Variants in CCPG1 observed in about 807,000 individuals in gnomAD.
The protein encoded by CCPG1 is cell cycle progression 1, also known as cell cycle progression protein 1.
Under a neutral mutation model 81.3 loss-of-function variants are expected in CCPG1, and 46 were observed. The observed-to-expected ratio is 0.57, with a 90% CI of 0.45 to 0.72. CCPG1 has a LOEUF of 0.72. CCPG1 is among the 30% of genes least tolerant of loss of function. CCPG1 has a pLI of 0.00. For synonymous variants in CCPG1, 330 were observed against 305.2 expected (o/e 1.08, Z -0.85); for missense variants, 902 against 937.6 (o/e 0.96, Z 0.50).
At chr15:55,368,804 T>A (rs574167304) in intron 6 of CCPG1, among the ~76,000 whole-genome samples, 29 of 152,304 alleles carry the variant, frequency 1.9e-4, no homozygotes, top group Non-Finnish European at 2.6e-4. Context: ...ATTAGTAATA[T>A]GGTATTGTTA....
At chr15:55,359,262 G>A (rs2056142255) in intron 8 of CCPG1, 13 of 1,104,552 alleles carry the variant, frequency 1.2e-5, no homozygotes, top group South Asian at 8.7e-5. Flanking sequence ...AACAAACTTG[G>A]CCAAAGTAGG....
intron 3 of CCPG1, among the ~76,000 whole-genome samples, chr15:55,379,790 T>A (rs947005253): frequency 6.6e-6 from 1 of 152,042 alleles, no homozygotes; most frequent in Middle Eastern, 3.2e-3. Context: ...GACTTCACAA[T>A]ATATTTTTAA....
chr15:55,364,516 A>G (rs1032512057), intron 7 of CCPG1, among the ~76,000 whole-genome samples: 9 of 150,962 alleles, frequency 6.0e-5, no homozygotes, highest in African/African-American at 1.9e-4. Flanking sequence ...GCTAGGGATA[A>G]GAGTTCTTAA....
At chr15:55,387,647 C>A (rs1392425179) in intron 2 of CCPG1, among the ~76,000 whole-genome samples, 5 of 151,626 alleles carry the variant, frequency 3.3e-5, no homozygotes, top group Non-Finnish European at 5.9e-5. Flanking sequence ...CAGGTTCAAG[C>A]GATTGTCCTG....
intron 4 of CCPG1, 29 bp downstream of exon 4, chr15:55,378,271 T>C: frequency 1.5e-6 from 2 of 1,323,332 alleles, no homozygotes; most frequent in East Asian, 2.3e-5. Context: ...CTATTTAACA[T>C]ATATCCACAG....
intron 3 of CCPG1, among the ~76,000 whole-genome samples, chr15:55,384,205 A>G (rs1378674613): frequency 3.9e-5 from 6 of 152,148 alleles, no homozygotes; most frequent in African/African-American, 1.4e-4. Context: ...AGATGGGGGA[A>G]TGGCAAGTCA....
At chr15:55,373,689 C>T (rs143702654) in intron 5 of CCPG1, among the ~76,000 whole-genome samples, 153 of 152,242 alleles carry the variant, frequency 1.0e-3, no homozygotes, top group Non-Finnish European at 1.7e-3. Flanking sequence ...TTAAACAAAG[C>T]ATTACATAAT....
chr15:55,372,185 C>G (rs2056463329), intron 5 of CCPG1, 141 bp from the exon 6 acceptor site: 1 of 734,574 alleles, frequency 1.4e-6, no homozygotes, highest in African/African-American at 1.8e-5. Flanking sequence ...ACAACATAAA[C>G]AAAAACACGG....
intron 1 of CCPG1, among the ~76,000 whole-genome samples, chr15:55,401,794 AG>A (rs1420210196): frequency 6.6e-6 from 1 of 152,226 alleles, no homozygotes; most frequent in Non-Finnish European, 1.5e-5. Context: ...CAACTTTAAG[AG>A]TAAGTATTCT....
At chr15:55,366,322 T>A (rs1372366858) in intron 6 of CCPG1, among the ~76,000 whole-genome samples, 1 of 152,004 alleles carries the variant, frequency 6.6e-6, no homozygotes, top group Admixed American at 6.6e-5. Context: ...TTTTTTTTTT[T>A]AATATTTTGC....
At chr15:55,397,985 A>AG (rs1321776879) in intron 1 of CCPG1, among the ~76,000 whole-genome samples, 6 of 23,608 alleles carry the variant, frequency 2.5e-4, no homozygotes, top group African/African-American at 5.8e-4. Flanking sequence ...TCAAGAAAAA[A>AG]AAAGAAGAAG....
chr15:55,384,611 T>C (rs1363571100), intron 3 of CCPG1, among the ~76,000 whole-genome samples: 1 of 152,084 alleles, frequency 6.6e-6, no homozygotes, highest in African/African-American at 2.4e-5. Context: ...GCCAAGATCA[T>C]ACCATTGCAC....
intron 3 of CCPG1, 44 bp from the exon 4 acceptor site, chr15:55,378,420 ACT>A (rs773818317): frequency 4.7e-6 from 6 of 1,274,634 alleles, no homozygotes; most frequent in African/African-American, 1.5e-5. Flanking sequence ...TTAATTTAAA[ACT>A]CTCTGTTGAC....
intron 6 of CCPG1, among the ~76,000 whole-genome samples, chr15:55,368,893 C>CT (rs1401754656): frequency 1.3e-5 from 2 of 152,084 alleles, no homozygotes; most frequent in African/African-American, 4.8e-5. Flanking sequence ...AGGCGGATCA[C>CT]TTAAGGTCAG....
chr15:55,380,925 CAGG>C (rs1021236042), intron 3 of CCPG1, among the ~76,000 whole-genome samples: 1 of 151,918 alleles, frequency 6.6e-6, no homozygotes, highest in Admixed American at 6.5e-5. Flanking sequence ...ACCACGAGGT[CAGG>C]AGATCAAGAC....
intron 1 of CCPG1, among the ~76,000 whole-genome samples, chr15:55,398,709 G>T (rs1174788860): frequency 6.6e-6 from 1 of 151,928 alleles, no homozygotes; most frequent in East Asian, 1.9e-4. Flanking sequence ...AGCCTCCCAA[G>T]TAACTGGGAT....
chr15:55,391,025 T>C (rs1001416918), intron 1 of CCPG1, among the ~76,000 whole-genome samples: 1 of 152,240 alleles, frequency 6.6e-6, no homozygotes, highest in Admixed American at 6.5e-5. Flanking sequence ...CAGTAGAGGT[T>C]ATCCAAAAAG....
intron 1 of CCPG1, 86 bp from the exon 2 acceptor site, chr15:55,389,519 G>A: frequency 2.3e-6 from 2 of 882,932 alleles, no homozygotes; most frequent in East Asian, 2.6e-5. Flanking sequence ...AGTTTGAAAA[G>A]TGGTTTACTG....
Position 55,360,579 on chromosome 15 carries a change from C to T in CCPG1, c.1194G>A (p.Gly398=). 1 of 1,614,116 alleles carries T rather than the reference C, an allele frequency of 6.2e-7. No homozygotes were observed. Among genetic ancestry groups the T allele is most frequent in the Non-Finnish European group, 8.5e-7 (1 of 1,180,014 alleles). ...RERLVTTALR[G]ELQQLSGSQL... ...GACTACCACTTAACTGCTGGAGTTC[C>T]CCCCTTAAAGCCGTAGTTACTAGTC... Residue 398 remains glycine (G), a synonymous_variant, in exon 8 of 9, where the codon GGG becomes GGA. Coordinates refer to ENST00000442196, the MANE Select transcript of CCPG1 (RefSeq NM_001204450.2).
Sources: gnomAD v4.1 joint callset for allele counts (sites outside exome capture counted in the v4.1 genomes callset) on GRCh38, gnomAD v4.1.1 for gene constraint, MANE v1.5 for transcripts, NCBI Gene and HGNC (gene_info 2026-07-23, HGNC 2026-07-21) for gene names.